GSDME: variants seen among roughly 807,000 people sequenced by gnomAD.
The protein encoded by GSDME is gasdermin-E.
A neutral mutation model predicts 47.5 loss-of-function variants in GSDME; 44 were observed. That is an observed-to-expected ratio of 0.93 (90% confidence interval 0.73 to 1.19). The LOEUF (loss-of-function observed/expected upper bound fraction) is 1.19. Among genes scored for constraint, GSDME ranks in the 50% most tolerant of loss-of-function variants. The probability of loss-of-function intolerance (pLI) is 0.00; values close to 1 mark genes in which losing one functional copy is unlikely to be tolerated. For synonymous variants in GSDME, 258 were observed against 252.8 expected, an observed-to-expected ratio of 1.02 and a Z score of -0.20; for missense variants, 663 against 604.2, an observed-to-expected ratio of 1.10 and a Z score of -1.02.
At chr7:24,710,796 C>T (rs77608894) in intron 5 of GSDME, among the ~76,000 whole-genome samples, 2,801 of 152,046 alleles carry the variant, frequency 0.018, 95 homozygotes, top group African/African-American at 0.065. Flanking sequence ...ATTTAGGTGG[C>T]CAAGTAGTTA....
chr7:24,794,299 C>CCTCTCTCTCT, the GSDME span, among the ~76,000 whole-genome samples: 154 of 148,448 alleles, frequency 1.0e-3, no homozygotes, highest in African/African-American at 3.7e-3. Flanking sequence ...CTCTTTCTCT[C>CCTCTCTCTCT]CTCTCTCTCT....
At chr7:24,793,964 G>C in the GSDME span, among the ~76,000 whole-genome samples, 1 of 152,130 alleles carries the variant, frequency 6.6e-6, no homozygotes, top group African/African-American at 2.4e-5. Flanking sequence ...GGAAGGCTAC[G>C]GGTTGTCAGT....
At chr7:24,699,382 G>T (rs750259473) in intron 9 of GSDME, 123 bp from the exon 10 acceptor site, 3 of 730,924 alleles carry the variant, frequency 4.1e-6, no homozygotes, top group Admixed American at 4.0e-5. Context: ...TTGCTCTGTC[G>T]TCCAGGCTGG....
At chr7:24,703,443 C>T (rs1422368772) in intron 8 of GSDME, 1 of 166,342 alleles carries the variant, frequency 6.0e-6, no homozygotes, top group Non-Finnish European at 1.3e-5. Flanking sequence ...TTGCCAAGCC[C>T]CAGGGAAGGG....
upstream of GSDME, among the ~76,000 whole-genome samples, chr7:24,758,609 G>A (rs1349710863): frequency 1.3e-5 from 2 of 152,206 alleles, no homozygotes. The surrounding 1 kb of genome is among the most constrained non-coding windows in gnomAD (Gnocchi z 4.6). Flanking sequence ...TGTTCGGGGA[G>A]GGCAGGTAGA....
upstream of GSDME, chr7:24,757,494 G>A (rs1791076912): frequency 6.6e-6 from 1 of 151,754 alleles, no homozygotes; most frequent in African/African-American, 2.4e-5. The surrounding 1 kb of genome is among the most constrained non-coding windows in gnomAD (Gnocchi z 5.9). Context: ...GCTTGGGGAG[G>A]GCGGAGAGAG....
At chr7:24,710,027 C>T (rs569110826) in intron 6 of GSDME, among the ~76,000 whole-genome samples, 197 bp downstream of exon 6, 1 of 152,288 alleles carries the variant, frequency 6.6e-6, no homozygotes, top group East Asian at 1.9e-4. Flanking sequence ...AATACAGCAC[C>T]CACAACCTGG....
At chr7:24,706,103 CTG>C in intron 8 of GSDME, 79 bp downstream of exon 8, 1 of 1,531,612 alleles carries the variant, frequency 6.5e-7, no homozygotes, top group South Asian at 1.1e-5. Flanking sequence ...GTTACCACCT[CTG>C]TGTCCCCAGA....
chr7:24,701,317 G>A (rs1788858815), intron 9 of GSDME, among the ~76,000 whole-genome samples: 1 of 152,232 alleles, frequency 6.6e-6, no homozygotes, highest in Non-Finnish European at 1.5e-5. Flanking sequence ...AAGGCAGAAT[G>A]TGCAGAAGCA....
intron 9 of GSDME, among the ~76,000 whole-genome samples, chr7:24,700,375 A>G (rs1274382897): frequency 6.6e-6 from 1 of 152,188 alleles, no homozygotes; most frequent in African/African-American, 2.4e-5. Context: ...TTAAGCAATT[A>G]CAAATTTACC....
At chr7:24,769,555 G>C in the GSDME span, among the ~76,000 whole-genome samples, 2 of 152,160 alleles carry the variant, frequency 1.3e-5, no homozygotes, top group South Asian at 2.1e-4. Flanking sequence ...CCCACATAAT[G>C]GGGGGAGGGA....
rs373293508 is a variant in GSDME, at chr7:24,744,879, G to A, written c.212-125C>T. 8 of 1,003,920 alleles carry A rather than the reference G, an allele frequency of 8.0e-6. No individual in the cohort carries two copies. The highest frequency in any genetic ancestry group is 1.1e-5 in the Non-Finnish European group (7 of 660,394). The allele number at this position is 1,003,920 out of a possible 1,614,324, so 62.2% of individuals were successfully genotyped here. Reference sequence around the variant, plus strand: ...CAGAAGGCTGGCACTCAGATGGAAAGCCGGCAGCCATGCTGTGTGTGTGGG... The same window carrying A: ...CAGAAGGCTGGCACTCAGATGGAAAACCGGCAGCCATGCTGTGTGTGTGGG... On this transcript the variant is annotated intron_variant, in intron 2 of 9. Coordinates refer to ENST00000645220, the MANE Select transcript of GSDME (RefSeq NM_001127453.2). This position sits in a 1 kb window ranked among gnomAD's most constrained non-coding sequence, Gnocchi z 4.5.
chr7:24,719,904 A>G (rs1789712425), intron 3 of GSDME, among the ~76,000 whole-genome samples: 1 of 152,228 alleles, frequency 6.6e-6, no homozygotes, highest in South Asian at 2.1e-4. Context: ...AGGATGTCAG[A>G]CGTCACAGCC....
Position 24,744,182 on chromosome 7 carries a change from T to G in GSDME, c.404+380A>C, listed in dbSNP as rs1790575250. 6 of 243,982 alleles carry G rather than the reference T, an allele frequency of 2.5e-5. No homozygotes were observed. The highest frequency in any genetic ancestry group is 4.0e-5 in the Non-Finnish European group (5 of 124,338). The allele number at this position is 243,982 out of a possible 1,614,324, so 15.1% of individuals were successfully genotyped here. ...TTTTTTACGCGCCTCTCACTTGCTTTCTTCTTTTTTTCATCAGAAAATTAT... is the reference window on the plus strand; with the variant it reads ...TTTTTTACGCGCCTCTCACTTGCTTGCTTCTTTTTTTCATCAGAAAATTAT... On this transcript the variant is annotated intron_variant, in intron 3 of 9. Transcript: ENST00000645220. This position sits in a 1 kb window ranked among gnomAD's most constrained non-coding sequence, Gnocchi z 4.5.
chr7:24,718,324 G>A (rs886361665), intron 4 of GSDME, among the ~76,000 whole-genome samples: 1 of 152,246 alleles, frequency 6.6e-6, no homozygotes, highest in Non-Finnish European at 1.5e-5. Context: ...TGGCAAGCTG[G>A]AGGAGAAAGA....
rs1468865430 is a variant in GSDME, at chr7:24,732,058, C to CA, written c.404+12503dup. ...TGCCCCGGTTTATTGTGACCAGTTACACCTGCCCTGGAAGGAGAAACACAG... is the reference window on the plus strand; with the variant it reads ...TGCCCCGGTTTATTGTGACCAGTTACAACCTGCCCTGGAAGGAGAAACACAG... On this transcript the variant is annotated intron_variant, in intron 3 of 9. Transcript: ENST00000645220. This position sits in a 1 kb window ranked among gnomAD's most constrained non-coding sequence, Gnocchi z 4.8. 6.6e-6 allele frequency among the ~76,000 whole-genome samples: 1 copy of CA among 152,202 alleles called. No homozygotes were observed. Among genetic ancestry groups the CA allele is most frequent in the Non-Finnish European group, 1.5e-5 (1 of 68,036 alleles).
chr7:24,789,654 T>C, the GSDME span, among the ~76,000 whole-genome samples: 1 of 152,238 alleles, frequency 6.6e-6, no homozygotes, highest in East Asian at 1.9e-4. Flanking sequence ...TATCTGCCTG[T>C]GGATTTCATT....
At chr7:24,774,131 C>T in the GSDME span, among the ~76,000 whole-genome samples, 1 of 152,164 alleles carries the variant, frequency 6.6e-6, no homozygotes, top group Admixed American at 6.5e-5. Flanking sequence ...CTTTCTAACT[C>T]CATCATGGCT....
At chr7:24,720,298 G>A (rs1045936989) in intron 3 of GSDME, among the ~76,000 whole-genome samples, 7 of 152,202 alleles carry the variant, frequency 4.6e-5, no homozygotes, top group African/African-American at 1.2e-4. Context: ...TCTATGAAAT[G>A]GACAGGAAAA....
Sources: gnomAD v4.1 joint callset for allele counts (sites outside exome capture counted in the v4.1 genomes callset) on GRCh38, gnomAD v4.1.1 for gene constraint, Gnocchi (gnomAD v3.1) non-coding constraint, MANE v1.5 for transcripts, NCBI Gene and HGNC (gene_info 2026-07-23, HGNC 2026-07-21) for gene names.